The following WWP2 variants were observed in gnomAD, a reference collection of about 807,000 sequenced individuals.
WWP2 encodes WW domain containing E3 ubiquitin protein ligase 2.
Under a neutral mutation model 121.0 loss-of-function variants are expected in WWP2, and 57 were observed. The observed-to-expected ratio is 0.47, with a 90% CI of 0.38 to 0.59. The LOEUF (loss-of-function observed/expected upper bound fraction) is 0.59. WWP2 is among the 20% of genes least tolerant of loss of function. WWP2 has a pLI of 0.00. For missense variants in WWP2, 962 were observed against 1,158.9 expected (o/e 0.83, Z 2.47); for synonymous variants, 449 against 441.3 (o/e 1.02, Z -0.22).
At chr16:69,777,089 G>GAT (rs35140828) in intron 1 of WWP2, among the ~76,000 whole-genome samples, 12 of 143,888 alleles carry the variant, frequency 8.3e-5, no homozygotes, top group South Asian at 4.2e-4. Flanking sequence ...ACAGTATATG[G>GAT]ATATATATAT....
rs1044309730 is a variant in WWP2 at position 69,799,056 on chromosome 16, G to A, written c.219-118G>A. ...TTTGAGAGGGGAAAGGATATATGTG[G>A]GTGTCTGCCTGTTTTGGTTCCCCCT... On this transcript the variant is annotated intron_variant, in intron 3 of 23. Coordinates refer to ENST00000359154, the MANE Select transcript of WWP2 (RefSeq NM_001270454.2). The surrounding 1 kb of genome is among the most constrained non-coding windows in gnomAD (Gnocchi z 4.5). 4.8e-6 allele frequency: 7 copies of A among 1,454,748 alleles called. No individual in the cohort carries two copies. In the South Asian group the frequency reaches 8.1e-5, roughly 17 times the overall value. 90.1% of individuals were successfully genotyped at this position (1,454,748 alleles called of 1,614,324 possible). A position where few individuals can be genotyped will look rare whatever the true frequency, so the allele number is the denominator to read the frequency against.
intron 1 of WWP2, among the ~76,000 whole-genome samples, chr16:69,771,925 T>C (rs2055424606): frequency 6.6e-6 from 1 of 151,016 alleles, no homozygotes; most frequent in African/African-American, 2.4e-5. Flanking sequence ...TGGTTTCACC[T>C]GTTGAGAAAC....
intron 8 of WWP2, among the ~76,000 whole-genome samples, chr16:69,890,181 C>G (rs1266098284): frequency 6.7e-6 from 1 of 150,110 alleles, no homozygotes; most frequent in African/African-American, 2.5e-5. Flanking sequence ...CTGGCTTAAG[C>G]CACTTTCAAA....
intron 4 of WWP2, among the ~76,000 whole-genome samples, chr16:69,837,745 C>T (rs1250152134): frequency 1.3e-5 from 2 of 152,196 alleles, no homozygotes; most frequent in African/African-American, 2.4e-5. Context: ...TCCCTCAGCA[C>T]GCTTCCAATA....
chr16:69,936,801 C>T (rs563618390), intron 19 of WWP2: 21 of 467,876 alleles, frequency 4.5e-5, no homozygotes, highest in Admixed American at 2.1e-4. Context: ...CACGTGTGCC[C>T]GTTCTCCGTG....
chr16:69,928,460 A>C (rs556926760), intron 11 of WWP2, among the ~76,000 whole-genome samples: 1 of 152,164 alleles, frequency 6.6e-6, no homozygotes, highest in South Asian at 2.1e-4. Flanking sequence ...CCCCTGGAGC[A>C]CAGACTCCTC....
At chr16:69,768,545 G>A (rs2055349158) in intron 1 of WWP2, among the ~76,000 whole-genome samples, 1 of 152,154 alleles carries the variant, frequency 6.6e-6, no homozygotes, top group Non-Finnish European at 1.5e-5. Flanking sequence ...AGGAGGCGGA[G>A]GTTGCAGTGA....
intron 2 of WWP2, among the ~76,000 whole-genome samples, chr16:69,789,186 T>C (rs1347148862): frequency 6.6e-6 from 1 of 152,110 alleles, no homozygotes; most frequent in Non-Finnish European, 1.5e-5. Context: ...GCCTTCCAAG[T>C]AGCTGGGATT....
intron 4 of WWP2, among the ~76,000 whole-genome samples, chr16:69,831,676 A>G (rs1484055196): frequency 6.6e-6 from 1 of 152,138 alleles, no homozygotes; most frequent in Non-Finnish European, 1.5e-5. Flanking sequence ...AGGGAGGAAA[A>G]ATAAGAGTGA....
chr16:69,908,741 C>T lies in WWP2; in HGVS notation c.915-20C>T. ...CCTTTCCACTGTGTGTCTCATGCTA[C>T]CCTTGACTTTATTTTTCAGATGGGA... On this transcript the variant is annotated intron_variant, in intron 8 of 23. Transcript: ENST00000359154. 1 of 1,613,924 alleles carries T rather than the reference C, an allele frequency of 6.2e-7. No individual in the cohort carries two copies. The highest frequency in any genetic ancestry group is 8.5e-7 in the Non-Finnish European group (1 of 1,179,854).
intron 1 of WWP2, among the ~76,000 whole-genome samples, chr16:69,767,585 G>A (rs1047579172): frequency 5.9e-5 from 9 of 152,172 alleles, no homozygotes; most frequent in Admixed American, 3.9e-4. Flanking sequence ...GTGAAAACAC[G>A]TTGCAAGAAA....
At chr16:69,869,986 T>C (rs1441761743) in intron 6 of WWP2, among the ~76,000 whole-genome samples, 1 of 152,194 alleles carries the variant, frequency 6.6e-6, no homozygotes, top group Non-Finnish European at 1.5e-5. Flanking sequence ...AACAAAAAAA[T>C]AGCCCAAGAG....
At chr16:69,901,778 A>G (rs567003541) in intron 8 of WWP2, among the ~76,000 whole-genome samples, 4 of 152,118 alleles carry the variant, frequency 2.6e-5, no homozygotes, top group Non-Finnish European at 5.9e-5. Context: ...TCAATTTATA[A>G]GGGCCACTTG....
At chr16:69,783,366 A>C (rs2055706303) in intron 1 of WWP2, among the ~76,000 whole-genome samples, 1 of 152,030 alleles carries the variant, frequency 6.6e-6, no homozygotes, top group Non-Finnish European at 1.5e-5. Flanking sequence ...TTAAAGCTGA[A>C]CAACTCTTTA....
chr16:69,832,503 T>G (rs1463844686), intron 4 of WWP2, among the ~76,000 whole-genome samples: 2 of 152,212 alleles, frequency 1.3e-5, no homozygotes, highest in Non-Finnish European at 2.9e-5. Flanking sequence ...TTTTTACATG[T>G]CCCCAGTTGT....
At chr16:69,801,687 C>T (rs2056170981) in intron 4 of WWP2, among the ~76,000 whole-genome samples, 1 of 152,132 alleles carries the variant, frequency 6.6e-6, no homozygotes, top group Non-Finnish European at 1.5e-5. Flanking sequence ...GCTGGAACCA[C>T]AGGCGTGCAC....
chr16:69,907,656 A>C (rs2058314876), intron 8 of WWP2, among the ~76,000 whole-genome samples: 1 of 152,142 alleles, frequency 6.6e-6, no homozygotes, highest in Non-Finnish European at 1.5e-5. Context: ...TGTGGGGATA[A>C]GTGGTCCTTG....
chr16:69,811,911 C>T (rs1348514872), intron 4 of WWP2, among the ~76,000 whole-genome samples: 1 of 152,172 alleles, frequency 6.6e-6, no homozygotes, highest in African/African-American at 2.4e-5. Flanking sequence ...GTGTTTCTTT[C>T]ATCCCTAAAT....
chr16:69,880,242 A>G (rs1266044245), intron 7 of WWP2, among the ~76,000 whole-genome samples: 1 of 151,702 alleles, frequency 6.6e-6, no homozygotes, highest in Non-Finnish European at 1.5e-5. Flanking sequence ...TCACAAAGAC[A>G]TTAAGTAAAC....
Sources: allele counts gnomAD v4.1 joint callset (sites outside exome capture counted in the v4.1 genomes callset), GRCh38; gene constraint gnomAD v4.1.1; non-coding constraint Gnocchi (gnomAD v3.1); transcripts MANE v1.5; gene names NCBI Gene and HGNC (gene_info 2026-07-23, HGNC 2026-07-21).